Variants in PAK3 observed in about 807,000 individuals in gnomAD.
PAK3 encodes the protein serine/threonine-protein kinase PAK 3.
Under a neutral mutation model 41.0 loss-of-function variants are expected in PAK3, and 4 were observed. The observed-to-expected ratio is 0.10, with a 90% confidence interval of 0.05 to 0.22. The LOEUF is 0.22. Among genes scored for constraint, PAK3 ranks in the 10% least tolerant of loss-of-function variants. PAK3 has a pLI of 1.00. For synonymous variants in PAK3, 146 were observed against 139.6 expected, an observed-to-expected ratio of 1.05 and a Z score of -0.32; for missense variants, 205 against 409.9, an observed-to-expected ratio of 0.50 and a Z score of 4.32.
chrX:111,143,883 T>C (rs753098309), intron 6 of PAK3, among the ~76,000 whole-genome samples: 1 of 111,928 alleles, frequency 8.9e-6, no homozygotes, highest in East Asian at 2.8e-4. Flanking sequence ...TCACTATTTT[T>C]CTTTTCTTTT....
At chrX:111,120,054 T>C (rs1338801679) in intron 4 of PAK3, among the ~76,000 whole-genome samples, 1 of 112,546 alleles carries the variant, frequency 8.9e-6, no homozygotes, top group South Asian at 3.7e-4. Context: ...GTTCAAGCTT[T>C]ATTAAGTTCC....
chrX:111,160,884 G>C (rs760180034), intron 8 of PAK3, among the ~76,000 whole-genome samples: 1 of 112,552 alleles, frequency 8.9e-6, no homozygotes, highest in South Asian at 3.7e-4. Context: ...ATTTGGGTTG[G>C]TTCCAAGTCT....
Position 110,994,701 on chromosome X carries a change from G to T in PAK3, c.-28+50073G>T, listed in dbSNP as rs1432668948. Among the ~76,000 whole-genome samples, 13 of 111,560 alleles carry T rather than the reference G, an allele frequency of 1.2e-4. 1 individual carries two copies. The Admixed American group carries it at 1.2e-3, about 11-fold the overall frequency. On this transcript the variant is annotated intron_variant, in intron 1 of 14. Coordinates refer to the PAK3 transcript ENST00000425146. Reference sequence around the variant, plus strand: ...AATTCCCAGAATGCTTTAAAACCATGGGCTTGGGAGTTGAACCAATGTTTG... The same window carrying T: ...AATTCCCAGAATGCTTTAAAACCATTGGCTTGGGAGTTGAACCAATGTTTG...
At chrX:111,111,022 T>C (rs760817573) in intron 4 of PAK3, among the ~76,000 whole-genome samples, 1 of 112,044 alleles carries the variant, frequency 8.9e-6, no homozygotes, top group African/African-American at 3.2e-5. Context: ...TAAATGTTGG[T>C]GTTCCACAGA....
intron 16 of PAK3, among the ~76,000 whole-genome samples, chrX:111,213,312 CA>C (rs2094840904): frequency 8.9e-6 from 1 of 112,079 alleles, no homozygotes; most frequent in Non-Finnish European, 1.9e-5. Context: ...GATTTTCCTT[CA>C]AATTACAGGG....
chrX:111,075,448 G>T (rs1395694641), intron 1 of PAK3, among the ~76,000 whole-genome samples: 1 of 112,860 alleles, frequency 8.9e-6, no homozygotes, highest in Non-Finnish European at 1.9e-5. Flanking sequence ...GCTTCAGAGG[G>T]CACAAGCTGT....
intron 1 of PAK3, among the ~76,000 whole-genome samples, chrX:110,994,666 A>G (rs1167903780): frequency 1.8e-5 from 2 of 111,814 alleles, no homozygotes; most frequent in African/African-American, 6.5e-5. Context: ...GGTAGGAGCC[A>G]TCTGCTCTGA....
In PAK3 at chrX:111,061,673, A is replaced by G. The variant is rs145902184; in HGVS notation, c.-27-61404A>G. On this transcript the variant is annotated intron_variant, in intron 1 of 14. Coordinates refer to the PAK3 transcript ENST00000425146. ...AGTTTTCTCCGTAAAAACTTTAACCATTTTTGGTCAGATTTATTCCTATTT... is the reference window on the plus strand; with the variant it reads ...AGTTTTCTCCGTAAAAACTTTAACCGTTTTTGGTCAGATTTATTCCTATTT... 3.8e-3 allele frequency among the ~76,000 whole-genome samples: 427 copies of G among 111,704 alleles called. 10 individuals are homozygous for G. In the East Asian group the frequency reaches 0.057, roughly 15 times the overall value.
Position 110,968,051 on chromosome X carries a change from C to G in PAK3, c.-28+23423C>G, listed in dbSNP as rs1602575525. Among the ~76,000 whole-genome samples, 5 of 112,663 alleles carry G rather than the reference C, an allele frequency of 4.4e-5. 1 individual carries two copies. Among genetic ancestry groups the G allele is most frequent in the Non-Finnish European group, 1.9e-5 (1 of 53,366 alleles). On this transcript the variant is annotated intron_variant, in intron 1 of 14. Coordinates refer to the PAK3 transcript ENST00000425146. The stretch of plus-strand genomic sequence containing the variant: ...CTTCATCTCTATAGTTTTGTCATTT[C>G]AAGAGTATGACACAAGTGAAACAAT...
At chrX:111,133,521 A>G (rs1046741984) in intron 5 of PAK3, among the ~76,000 whole-genome samples, 7 of 112,140 alleles carry the variant, frequency 6.2e-5, no homozygotes, top group African/African-American at 2.3e-4. Context: ...CAAGTTCAGA[A>G]TATTACTGAA....
At chrX:110,982,456 A>G (rs188663967) in intron 1 of PAK3, among the ~76,000 whole-genome samples, 1 of 112,137 alleles carries the variant, frequency 8.9e-6, no homozygotes, top group East Asian at 2.8e-4. Flanking sequence ...GAGATAACCT[A>G]TATATAAAGC....
rs748344306 is a variant in PAK3 at position 110,968,335 on chromosome X, A to G, written c.-28+23707A>G. ...GTGGACAAAAGCTTTCATCTCTAGA[A>G]TAAGTGTCCAGGAGTCTGATTGCTG... On this transcript the variant is annotated intron_variant, in intron 1 of 14. Coordinates refer to the PAK3 transcript ENST00000425146. Among the ~76,000 whole-genome samples, 11 of 112,692 alleles carry G rather than the reference A, an allele frequency of 9.8e-5. No homozygotes were observed. In the South Asian group the frequency reaches 2.6e-3, roughly 26 times the overall value.
chrX:111,171,662 T>C (rs933402772), intron 10 of PAK3, among the ~76,000 whole-genome samples: 5 of 111,988 alleles, frequency 4.5e-5, no homozygotes, highest in Non-Finnish European at 7.5e-5. Context: ...GAGCAATCTA[T>C]AGAAACAGAA....
chrX:111,188,170 T>G (rs770777140), intron 11 of PAK3, among the ~76,000 whole-genome samples: 1 of 108,675 alleles, frequency 9.2e-6, no homozygotes, highest in East Asian at 2.9e-4. Context: ...CTAGCAATTT[T>G]AATACAATTA....
At chrX:111,155,091 A>G (rs1220650295) in intron 8 of PAK3, among the ~76,000 whole-genome samples, 1 of 111,795 alleles carries the variant, frequency 8.9e-6, no homozygotes, top group African/African-American at 3.3e-5. Flanking sequence ...GAGATAAAAC[A>G]AATAGATATT....
chrX:111,160,694 C>T (rs778821963), intron 8 of PAK3, among the ~76,000 whole-genome samples: 8 of 110,693 alleles, frequency 7.2e-5, no homozygotes, highest in East Asian at 5.7e-4. Flanking sequence ...TCAATTCCCA[C>T]CTATGAGTGA....
chrX:111,063,437 C>CT (rs199895670), intron 1 of PAK3, among the ~76,000 whole-genome samples: 5,183 of 111,618 alleles, frequency 0.046, 294 homozygotes, highest in African/African-American at 0.16. Context: ...AGAAGAGCCC[C>CT]ATCTTATTCC....
intron 1 of PAK3, among the ~76,000 whole-genome samples, chrX:111,066,060 C>T (rs1004735393): frequency 1.1e-4 from 12 of 111,803 alleles, no homozygotes; most frequent in Admixed American, 1.9e-4. Context: ...TTCAGCTCTG[C>T]TCTGATTTTA....
At chrX:111,062,527 A>G (rs912075823) in intron 1 of PAK3, among the ~76,000 whole-genome samples, 20 of 112,551 alleles carry the variant, frequency 1.8e-4, no homozygotes, top group African/African-American at 6.1e-4. Flanking sequence ...GAATCTGCCA[A>G]TTGAAGCCAG....
Sources: allele counts gnomAD v4.1 joint callset (sites outside exome capture counted in the v4.1 genomes callset), GRCh38; gene constraint gnomAD v4.1.1; transcripts MANE v1.5; gene names NCBI Gene and HGNC (gene_info 2026-07-23, HGNC 2026-07-21).